Variants in MECOM observed in about 807,000 individuals in gnomAD.
The protein encoded by MECOM is MDS1 and EVI1 complex locus.
MECOM carries 13 observed loss-of-function variants against 116.3 expected under a neutral mutation model. That is an observed-to-expected ratio of 0.11 (90% CI 0.07 to 0.18). The LOEUF is 0.18. Ranked by LOEUF, MECOM falls within the 10% of genes least tolerant of loss-of-function variation. MECOM has a pLI of 1.00. For missense variants in MECOM, 1,299 were observed against 1,509.0 expected (o/e 0.86, Z 2.31); for synonymous variants, 528 against 535.2 (o/e 0.99, Z 0.19).
chr3:169,241,794 A>G (rs1291892652), intron 2 of MECOM, among the ~76,000 whole-genome samples: 1 of 152,234 alleles, frequency 6.6e-6, no homozygotes, highest in African/African-American at 2.4e-5. Flanking sequence ...AAAGAATTTC[A>G]CTTTGGCTAC....
At chr3:169,360,319 C>CAAAAAAAAAAAAAAAAAAAAAA in intron 2 of MECOM, among the ~76,000 whole-genome samples, 2 of 87,840 alleles carry the variant, frequency 2.3e-5, no homozygotes, top group African/African-American at 4.3e-5. Flanking sequence ...AAAGTTACAC[C>CAAAAAAAAAAAAAAAAAAAAAA]AAAAAAAAAA....
chr3:169,265,106 G>C (rs999619937), intron 2 of MECOM, among the ~76,000 whole-genome samples: 1 of 152,110 alleles, frequency 6.6e-6, no homozygotes. Flanking sequence ...TTTGAAGGAA[G>C]ATTTTTTTTA....
chr3:169,172,644 A>G (rs1352980167), intron 2 of MECOM, among the ~76,000 whole-genome samples: 1 of 152,200 alleles, frequency 6.6e-6, no homozygotes, highest in Non-Finnish European at 1.5e-5. Flanking sequence ...GACTAAGAGG[A>G]AAGAATAAAC....
At chr3:169,531,712 A>G (rs761648945) in intron 1 of MECOM, among the ~76,000 whole-genome samples, 2 of 152,176 alleles carry the variant, frequency 1.3e-5, no homozygotes, top group Non-Finnish European at 2.9e-5. Flanking sequence ...AAACCCTTCC[A>G]CACAAATGGT....
intron 1 of MECOM, among the ~76,000 whole-genome samples, chr3:169,413,593 A>G (rs1042851186): frequency 6.6e-6 from 1 of 151,678 alleles, no homozygotes; most frequent in African/African-American, 2.4e-5. Context: ...GGTCTTGCTC[A>G]GTGGATCCCA....
intron 1 of MECOM, among the ~76,000 whole-genome samples, chr3:169,592,976 A>G (rs1294800879): frequency 6.6e-6 from 1 of 152,256 alleles, no homozygotes; most frequent in Non-Finnish European, 1.5e-5. Context: ...ATGTATGTAT[A>G]AAACATGAGA....
In MECOM at chr3:169,509,953, C is replaced by T. The variant is rs115512155; in HGVS notation, c.38-128429G>A. 6.3e-3 allele frequency among the ~76,000 whole-genome samples: 967 copies of T among 152,356 alleles called. 14 individuals are homozygous for T. The highest frequency in any genetic ancestry group is 0.023 in the African/African-American group (945 of 41,568). ...CTTGACTCACTTTGTACCACACCAA[C>T]TACCAGCAGATGCTCAAACAAATGT... On this transcript the variant is annotated intron_variant, in intron 1 of 16. Transcript: ENST00000651503.
At chr3:169,284,431 C>T (rs940725716) in intron 2 of MECOM, among the ~76,000 whole-genome samples, 1 of 152,040 alleles carries the variant, frequency 6.6e-6, no homozygotes, top group African/African-American at 2.4e-5. Flanking sequence ...TCCAAAGTTC[C>T]AAACTGGTGG....
chr3:169,339,062 A>C (rs1359842742), intron 2 of MECOM, among the ~76,000 whole-genome samples: 1 of 152,188 alleles, frequency 6.6e-6, no homozygotes, highest in African/African-American at 2.4e-5. Flanking sequence ...ATATTGAATA[A>C]ATTAAGGTAA....
At chr3:169,618,800 T>C (rs947256937) in intron 1 of MECOM, among the ~76,000 whole-genome samples, 5 of 152,228 alleles carry the variant, frequency 3.3e-5, no homozygotes, top group Non-Finnish European at 5.9e-5. Context: ...GCTTCCCCAC[T>C]GTATGTGAGA....
chr3:169,406,782 CCAAG>C (rs760356540), intron 1 of MECOM, among the ~76,000 whole-genome samples: 2 of 151,680 alleles, frequency 1.3e-5, no homozygotes, highest in African/African-American at 2.4e-5. Flanking sequence ...CTTCTTGAGC[CCAAG>C]CATAATATCA....
chr3:169,487,045 G>C (rs1409491806), intron 1 of MECOM, among the ~76,000 whole-genome samples: 2 of 150,798 alleles, frequency 1.3e-5, no homozygotes, highest in Non-Finnish European at 3.0e-5. Flanking sequence ...TCTTTCTTTT[G>C]GTTTTAATTT....
intron 2 of MECOM, among the ~76,000 whole-genome samples, chr3:169,364,015 CAT>C (rs1432220606): frequency 2.0e-5 from 3 of 151,912 alleles, no homozygotes; most frequent in Non-Finnish European, 2.9e-5. Context: ...CTTAGTGACA[CAT>C]GTTTATAATT....
At chr3:169,528,625 A>C (rs897042019) in intron 1 of MECOM, among the ~76,000 whole-genome samples, 2 of 152,242 alleles carry the variant, frequency 1.3e-5, no homozygotes, top group Non-Finnish European at 2.9e-5. Flanking sequence ...GGAAATAGTA[A>C]CTGAAACAGC....
In MECOM at chr3:169,378,514, A is replaced by AGAG. The variant is rs1553830116; in HGVS notation, c.375+2672_375+2673insCTC. Among the ~76,000 whole-genome samples the AGAG allele has an allele frequency of 7.4e-4, 20 of 26,876 alleles. 1 individual carries two copies. The highest frequency in any genetic ancestry group is 2.0e-3 in the African/African-American group (9 of 4,490). 17.6% of individuals were successfully genotyped at this position (26,876 alleles called of 152,430 possible). Reference sequence around the variant, plus strand: ...GAAAGAAAGAAAGAAAGAAAGAAAGAAAAGAAAGAAAGAAAGAAAGAAAGA... The same window carrying AGAG: ...GAAAGAAAGAAAGAAAGAAAGAAAGAGAGAAAGAAAGAAAGAAAGAAAGAAAGA... On this transcript the variant is annotated intron_variant, in intron 2 of 16. Coordinates refer to ENST00000651503, the MANE Select transcript of MECOM (RefSeq NM_004991.4).
intron 1 of MECOM, among the ~76,000 whole-genome samples, chr3:169,499,645 A>G (rs1049945704): frequency 8.5e-5 from 13 of 152,224 alleles, no homozygotes; most frequent in African/African-American, 2.6e-4. Context: ...ATGCAAGGAA[A>G]AACAGGGACC....
intron 2 of MECOM, among the ~76,000 whole-genome samples, chr3:169,277,323 A>G (rs140231472): frequency 6.6e-6 from 1 of 152,240 alleles, no homozygotes; most frequent in African/African-American, 2.4e-5. Context: ...AAGGGATAAG[A>G]AACACTTTCT....
At chr3:169,483,313 G>A (rs1304468690) in intron 1 of MECOM, among the ~76,000 whole-genome samples, 7 of 143,018 alleles carry the variant, frequency 4.9e-5, no homozygotes, top group Non-Finnish European at 9.0e-5. Flanking sequence ...AAGCCCACTT[G>A]TATCCCTGAA....
At chr3:169,582,193 G>A (rs1765195085) in intron 1 of MECOM, among the ~76,000 whole-genome samples, 1 of 152,108 alleles carries the variant, frequency 6.6e-6, no homozygotes, top group Non-Finnish European at 1.5e-5. Flanking sequence ...AGAGCTTCTT[G>A]TGAGGTCAAG....
Sources: allele counts gnomAD v4.1 joint callset (sites outside exome capture counted in the v4.1 genomes callset), GRCh38; gene constraint gnomAD v4.1.1; transcripts MANE v1.5; gene names NCBI Gene and HGNC (gene_info 2026-07-23, HGNC 2026-07-21).